The following AGBL1 variants were observed in gnomAD, a reference collection of about 807,000 sequenced individuals.
AGBL1 encodes cytosolic carboxypeptidase 4.
Under a neutral mutation model 118.9 loss-of-function variants are expected in AGBL1, and 130 were observed. The ratio of observed to expected loss-of-function variants is 1.09; its 90% confidence interval spans 0.95 to 1.26. The LOEUF (loss-of-function observed/expected upper bound fraction) is 1.26. Among genes scored for constraint, AGBL1 ranks in the 50% most tolerant of loss-of-function variants. The pLI is 0.00. For synonymous variants in AGBL1, 555 were observed against 478.9 expected, an observed-to-expected ratio of 1.16 and a Z score of -2.08; for missense variants, 1,584 against 1,298.1, an observed-to-expected ratio of 1.22 and a Z score of -3.38.
At chr15:87,003,183 A>G (rs2081459211) in intron 24 of AGBL1, among the ~76,000 whole-genome samples, 2 of 148,792 alleles carry the variant, frequency 1.3e-5, no homozygotes, top group African/African-American at 5.2e-5. Context: ...AGTTTTTAGT[A>G]TGAAGGGCTG....
chr15:86,641,016 G>A (rs904990298), intron 21 of AGBL1, among the ~76,000 whole-genome samples: 2 of 151,256 alleles, frequency 1.3e-5, no homozygotes, highest in African/African-American at 4.9e-5. Flanking sequence ...ATTCTTCTGT[G>A]AATGGCTTAG....
chr15:86,659,088 T>G (rs2085502060), intron 21 of AGBL1, among the ~76,000 whole-genome samples: 1 of 152,138 alleles, frequency 6.6e-6, no homozygotes, highest in African/African-American at 2.4e-5. Flanking sequence ...TATTTCCTAT[T>G]TGTCCCCCCT....
intron 22 of AGBL1, among the ~76,000 whole-genome samples, chr15:86,742,021 C>T (rs146649697): frequency 1.7e-4 from 25 of 151,024 alleles, no homozygotes; most frequent in African/African-American, 4.9e-4. Flanking sequence ...ACCCATGCCA[C>T]GCTAAAGATG....
At chr15:86,649,740 G>T (rs2085339759) in intron 21 of AGBL1, among the ~76,000 whole-genome samples, 1 of 148,730 alleles carries the variant, frequency 6.7e-6, no homozygotes, top group Admixed American at 6.7e-5. Context: ...TTATTCTGGA[G>T]TATGCCCTTT....
chr15:86,521,523 G>C (rs370111512), intron 18 of AGBL1, among the ~76,000 whole-genome samples: 2 of 152,126 alleles, frequency 1.3e-5, no homozygotes, highest in Non-Finnish European at 2.9e-5. Context: ...CTCTGATCAA[G>C]GGGGCCTCAG....
At position 86,901,163 on chromosome 15, in the gene AGBL1, T is replaced by C. The variant is rs72754027; in HGVS notation, c.3159-5924T>C. On this transcript the variant is annotated intron_variant, in intron 22 of 22. Transcript: ENST00000614907. ...GGTTTTCCACATTGCAAGACTTTTC[T>C]GGTTTTTTATATGGCTTTCAAATAT... 3.2e-3 allele frequency among the ~76,000 whole-genome samples: 493 copies of C among 152,312 alleles called. 1 individual carries two copies. The highest frequency in any genetic ancestry group is 5.3e-3 in the Non-Finnish European group (362 of 68,002).
downstream of AGBL1, among the ~76,000 whole-genome samples, chr15:86,918,453 C>T (rs7163837): frequency 0.27 from 41,333 of 151,858 alleles, 7,508 homozygotes; most frequent in African/African-American, 0.52. Context: ...CTTGCCTTCA[C>T]ACTTTCTTCT....
intron 18 of AGBL1, among the ~76,000 whole-genome samples, chr15:86,516,546 T>A: frequency 6.6e-6 from 1 of 152,174 alleles, no homozygotes. Context: ...ACGCCTGTCA[T>A]CCCAGCACTT....
intron 3 of AGBL1, among the ~76,000 whole-genome samples, chr15:86,149,852 T>C (rs1404910045): frequency 6.6e-6 from 1 of 152,178 alleles, no homozygotes; most frequent in Non-Finnish European, 1.5e-5. Flanking sequence ...TCACATTTAT[T>C]CTAAAATAGA....
At chr15:86,269,225 A>C (rs542094003) in intron 13 of AGBL1, among the ~76,000 whole-genome samples, 4 of 152,320 alleles carry the variant, frequency 2.6e-5, no homozygotes, top group Admixed American at 2.6e-4. Context: ...AAAATGAAAC[A>C]ACCCCTGCAT....
intron 5 of AGBL1, among the ~76,000 whole-genome samples, chr15:86,168,941 A>G (rs769186055): frequency 9.2e-5 from 14 of 152,136 alleles, no homozygotes; most frequent in East Asian, 1.9e-4. Context: ...TCTGTTGTCT[A>G]CTAAGATATT....
At chr15:86,252,532 T>C (rs1157649981) in intron 7 of AGBL1, among the ~76,000 whole-genome samples, 1 of 151,888 alleles carries the variant, frequency 6.6e-6, no homozygotes, top group Non-Finnish European at 1.5e-5. Context: ...TATGGGAAAA[T>C]AGGATATGGA....
At chr15:86,674,499 A>C (rs1482625961) in intron 22 of AGBL1, 63 bp downstream of exon 22, 1,077 of 1,499,324 alleles carry the variant, frequency 7.2e-4, no homozygotes, top group Middle Eastern at 9.8e-4. Context: ...TCAATATCTC[A>C]GTAATGAAAG....
intron 5 of AGBL1, among the ~76,000 whole-genome samples, chr15:86,163,068 G>A (rs2077289453): frequency 6.6e-6 from 1 of 152,228 alleles, no homozygotes; most frequent in Non-Finnish European, 1.5e-5. Flanking sequence ...TCCTAAAGTA[G>A]AAATCAAATT....
At chr15:86,346,027 G>A (rs1400596948) in intron 17 of AGBL1, among the ~76,000 whole-genome samples, 1 of 151,554 alleles carries the variant, frequency 6.6e-6, no homozygotes, top group African/African-American at 2.4e-5. Context: ...TTGTTGCCCA[G>A]GCTGGAGTGT....
chr15:86,700,916 ACAGT>A (rs1246170284), intron 22 of AGBL1, among the ~76,000 whole-genome samples: 2 of 152,068 alleles, frequency 1.3e-5, no homozygotes, highest in African/African-American at 2.4e-5. Flanking sequence ...ACCCCAAGAG[ACAGT>A]CAGAGTCAGC....
intron 21 of AGBL1, among the ~76,000 whole-genome samples, chr15:86,602,674 T>A (rs985140453): frequency 3.9e-5 from 6 of 152,162 alleles, no homozygotes; most frequent in Admixed American, 2.0e-4. Flanking sequence ...TTTAGTGGAA[T>A]GGGTTGTTTC....
intron 22 of AGBL1, among the ~76,000 whole-genome samples, chr15:86,854,245 G>A (rs1368516240): frequency 6.6e-6 from 1 of 152,158 alleles, no homozygotes; most frequent in African/African-American, 2.4e-5. Flanking sequence ...GAGTGGTAAT[G>A]GACATGTACA....
chr15:86,937,804 A>G (rs2080694721), intron 23 of AGBL1, among the ~76,000 whole-genome samples: 1 of 152,210 alleles, frequency 6.6e-6, no homozygotes, highest in South Asian at 2.1e-4. Context: ...CTAAAATAAA[A>G]GTTAAAACAA....
Sources: gnomAD v4.1 joint callset for allele counts (sites outside exome capture counted in the v4.1 genomes callset) on GRCh38, gnomAD v4.1.1 for gene constraint, MANE v1.5 for transcripts, NCBI Gene and HGNC (gene_info 2026-07-23, HGNC 2026-07-21) for gene names.